The following LUZP2 variants were observed in gnomAD, a reference collection of about 807,000 sequenced individuals.
The protein encoded by LUZP2 is leucine zipper protein 2.
In LUZP2, 52 loss-of-function variants were observed where a neutral mutation model predicts 51.6. That is an observed-to-expected ratio of 1.01 (90% CI 0.81 to 1.27). The LOEUF (loss-of-function observed/expected upper bound fraction) is 1.27. LUZP2 is among the 50% of genes most tolerant of loss of function. The pLI is 0.00. For missense variants in LUZP2, 436 were observed against 395.4 expected (o/e 1.10, Z -0.87); for synonymous variants, 154 against 137.3 (o/e 1.12, Z -0.85).
chr11:24,604,423 T>C (rs958347126), intron 1 of LUZP2, among the ~76,000 whole-genome samples: 8 of 151,808 alleles, frequency 5.3e-5, no homozygotes, highest in African/African-American at 1.9e-4. Context: ...AGCTTCAAGA[T>C]ATAATGAAAC....
intron 5 of LUZP2, among the ~76,000 whole-genome samples, chr11:24,905,647 C>T (rs1308944630): frequency 6.6e-6 from 1 of 152,154 alleles, no homozygotes; most frequent in East Asian, 1.9e-4. Flanking sequence ...GGAAAGTTCT[C>T]CAGTATAGAC....
chr11:24,635,052 G>T (rs1276533365), intron 1 of LUZP2, among the ~76,000 whole-genome samples: 1 of 152,026 alleles, frequency 6.6e-6, no homozygotes, highest in Non-Finnish European at 1.5e-5. Context: ...TGGGATGGGG[G>T]TGAGGGATGA....
chr11:24,531,731 A>G (rs1472482169), intron 1 of LUZP2, among the ~76,000 whole-genome samples: 1 of 150,928 alleles, frequency 6.6e-6, no homozygotes, highest in Admixed American at 6.6e-5. Context: ...CAAATTCTTA[A>G]CATCTCAACT....
At chr11:24,966,606 C>T (rs1855587994) in intron 7 of LUZP2, among the ~76,000 whole-genome samples, 1 of 148,628 alleles carries the variant, frequency 6.7e-6, no homozygotes, top group African/African-American at 2.4e-5. Flanking sequence ...TGCACACATG[C>T]ATTACGTTTA....
rs556205136 is a variant in LUZP2, at chr11:25,016,369, A to G, written c.765+33076A>G. Among the ~76,000 whole-genome samples, 164 of 152,206 alleles carry G rather than the reference A, an allele frequency of 1.1e-3. 1 individual carries two copies. Among genetic ancestry groups the G allele is most frequent in the Middle Eastern group, 3.4e-3 (1 of 294 alleles). ...ACTCTCTATGCCTTTGTGTACTCAT[A>G]GATTAACTCTCAGCTACAATTGAGA... On this transcript the variant is annotated intron_variant, in intron 9 of 11. Coordinates refer to ENST00000336930, the MANE Select transcript of LUZP2 (RefSeq NM_001009909.4).
intron 1 of LUZP2, among the ~76,000 whole-genome samples, chr11:24,722,744 C>A (rs1858324987): frequency 6.6e-6 from 1 of 151,830 alleles, no homozygotes; most frequent in Non-Finnish European, 1.5e-5. Context: ...ATGGTGAAAC[C>A]CATCTCTACT....
At chr11:24,569,862 T>G (rs933535168) in intron 1 of LUZP2, among the ~76,000 whole-genome samples, 4 of 141,748 alleles carry the variant, frequency 2.8e-5, no homozygotes, top group Non-Finnish European at 6.1e-5. Flanking sequence ...TAAAAAAATT[T>G]AAAATATTTA....
At chr11:24,934,448 T>G (rs1854537839) in intron 7 of LUZP2, among the ~76,000 whole-genome samples, 3 of 152,212 alleles carry the variant, frequency 2.0e-5, no homozygotes, top group African/African-American at 7.2e-5. Context: ...CTCTGTTCAT[T>G]TATTTGAAAA....
intron 1 of LUZP2, among the ~76,000 whole-genome samples, chr11:24,594,920 C>T (rs927796036): frequency 5.3e-5 from 8 of 151,504 alleles, no homozygotes; most frequent in South Asian, 2.1e-4. Context: ...CCACCATGCC[C>T]GGCTAATTTT....
intron 5 of LUZP2, among the ~76,000 whole-genome samples, chr11:24,772,518 T>G (rs1848774457): frequency 6.6e-6 from 1 of 152,216 alleles, no homozygotes; most frequent in African/African-American, 2.4e-5. Flanking sequence ...ACTTTATTGC[T>G]GGTTATTTGC....
chr11:24,657,273 T>G (rs4561213), intron 1 of LUZP2, among the ~76,000 whole-genome samples: 85,355 of 151,876 alleles, frequency 0.56, 24,319 homozygotes, highest in African/African-American at 0.63. Context: ...AGGACAAACT[T>G]ATATATTAAA....
chr11:24,802,399 A>C (rs1337283174), intron 5 of LUZP2, among the ~76,000 whole-genome samples: 1 of 151,868 alleles, frequency 6.6e-6, no homozygotes. Context: ...AGTTTTGGTG[A>C]CTGTATAGAC....
At position 24,610,387 on chromosome 11, in the gene LUZP2, T is replaced by C. The variant is rs571979905; in HGVS notation, c.62+113082T>C. On this transcript the variant is annotated intron_variant, in intron 1 of 11. Transcript: ENST00000336930. Reference sequence around the variant, plus strand: ...AAAACGGTAGGCAGCAGAAACTGCCTTTTGAGAGGGCCCAAATGTCAGGTT... The same window carrying C: ...AAAACGGTAGGCAGCAGAAACTGCCCTTTGAGAGGGCCCAAATGTCAGGTT... Among the ~76,000 whole-genome samples the C allele has an allele frequency of 2.0e-5, 3 of 152,316 alleles. No homozygotes were observed. In the South Asian group the frequency reaches 6.2e-4, roughly 32 times the overall value.
intron 1 of LUZP2, among the ~76,000 whole-genome samples, chr11:24,692,375 C>T (rs1161437665): frequency 6.6e-6 from 1 of 151,906 alleles, no homozygotes; most frequent in African/African-American, 2.4e-5. Flanking sequence ...GCAGGTGATA[C>T]AAGTAAAAAC....
At position 24,742,127 on chromosome 11, in the gene LUZP2, C is replaced by T. The variant is rs1484083675; in HGVS notation, c.333+3825C>T. On this transcript the variant is annotated intron_variant, in intron 4 of 11. Transcript: ENST00000336930. ...TTGATGGGCATTTGGGTTGGTTCCA[C>T]AATTTTGCAATTGCGAATTGTGCAC... Among the ~76,000 whole-genome samples the T allele has an allele frequency of 2.1e-5, 3 of 146,152 alleles. No individual in the cohort carries two copies. In the East Asian group the frequency reaches 5.9e-4, roughly 29 times the overall value.
intron 9 of LUZP2, among the ~76,000 whole-genome samples, chr11:25,016,853 GT>G (rs1382546862): frequency 6.6e-6 from 1 of 151,948 alleles, no homozygotes; most frequent in Non-Finnish European, 1.5e-5. Flanking sequence ...ATCGTCACAC[GT>G]TTTTCATAGA....
chr11:24,548,808 A>G (rs541033853), intron 1 of LUZP2, among the ~76,000 whole-genome samples: 1 of 152,186 alleles, frequency 6.6e-6, no homozygotes, highest in South Asian at 2.1e-4. Flanking sequence ...AAAATATAGA[A>G]ACATGGAAAA....
At chr11:24,857,776 A>ACCCCTGATTCCTAC (rs1240937590) in intron 5 of LUZP2, among the ~76,000 whole-genome samples, 2 of 151,818 alleles carry the variant, frequency 1.3e-5, no homozygotes, top group African/African-American at 2.4e-5. Context: ...AGCCACCTCC[A>ACCCCTGATTCCTAC]CCCCTGATTC....
intron 1 of LUZP2, among the ~76,000 whole-genome samples, chr11:24,707,181 T>C (rs1857618589): frequency 6.6e-6 from 1 of 152,068 alleles, no homozygotes; most frequent in Non-Finnish European, 1.5e-5. Flanking sequence ...AAAATGAGCC[T>C]CTAAGATGTT....
Sources: allele counts gnomAD v4.1 joint callset (sites outside exome capture counted in the v4.1 genomes callset), GRCh38; gene constraint gnomAD v4.1.1; transcripts MANE v1.5; gene names NCBI Gene and HGNC (gene_info 2026-07-23, HGNC 2026-07-21).